Variants in TRIM5 observed in about 807,000 individuals in gnomAD.
The protein encoded by TRIM5 is tripartite motif containing 5.
Under a neutral mutation model 35.6 loss-of-function variants are expected in TRIM5, and 31 were observed. The observed-to-expected ratio is 0.87, with a 90% CI of 0.65 to 1.18. The LOEUF (loss-of-function observed/expected upper bound fraction) is 1.18. Ranked by LOEUF, TRIM5 falls within the 50% of genes most tolerant of loss-of-function variation. The probability of loss-of-function intolerance (pLI) is 0.00; values close to 1 mark genes in which losing one functional copy is unlikely to be tolerated. For missense variants in TRIM5, 609 were observed against 591.6 expected (o/e 1.03, Z -0.31); for synonymous variants, 243 against 215.6 (o/e 1.13, Z -1.11).
the TRIM5 span, among the ~76,000 whole-genome samples, chr11:5,588,749 T>C: frequency 6.6e-6 from 1 of 150,844 alleles, no homozygotes; most frequent in African/African-American, 2.4e-5. Flanking sequence ...TGTTCCATTT[T>C]AGCTTTTGGT....
At chr11:5,643,116 T>TAC in the TRIM5 span, 13 of 1,168,638 alleles carry the variant, frequency 1.1e-5, no homozygotes, top group South Asian at 2.2e-5. Context: ...TTCATATACA[T>TAC]ATATATATAT....
downstream of TRIM5, among the ~76,000 whole-genome samples, chr11:5,662,165 G>T (rs1209222919): frequency 6.6e-6 from 1 of 152,176 alleles, no homozygotes; most frequent in African/African-American, 2.4e-5. Context: ...TATTCACCTT[G>T]GAATCCCTTC....
At chr11:5,603,340 CGAGAA>C in the TRIM5 span, 80 of 1,613,876 alleles carry the variant, frequency 5.0e-5, no homozygotes, top group Admixed American at 1.3e-3. Flanking sequence ...GGTGGACATA[CGAGAA>C]GAGGTGACCT....
At chr11:5,643,750 A>C in the TRIM5 span, 3 of 1,531,298 alleles carry the variant, frequency 2.0e-6, no homozygotes, top group East Asian at 6.8e-5. Flanking sequence ...GTCTTGACTT[A>C]TCTCCTGCAA....
the TRIM5 span, among the ~76,000 whole-genome samples, chr11:5,620,531 A>T: frequency 6.6e-6 from 1 of 152,102 alleles, no homozygotes; most frequent in African/African-American, 2.4e-5. Context: ...GGGTTGCAGT[A>T]ATGAGTCTCA....
chr11:5,631,172 AC>A, the TRIM5 span, among the ~76,000 whole-genome samples: 29 of 152,010 alleles, frequency 1.9e-4, no homozygotes, highest in Admixed American at 1.0e-3. Flanking sequence ...GTTCCTATCA[AC>A]CTCTGTAACA....
the TRIM5 span, among the ~76,000 whole-genome samples, chr11:5,619,033 G>C: frequency 6.6e-6 from 1 of 152,176 alleles, no homozygotes; most frequent in Non-Finnish European, 1.5e-5. Context: ...TCAATGTATT[G>C]TGTGCAAACG....
the TRIM5 span, among the ~76,000 whole-genome samples, chr11:5,651,699 G>A: frequency 6.6e-6 from 1 of 152,198 alleles, no homozygotes; most frequent in Admixed American, 6.5e-5. Flanking sequence ...TCTGCTTTGA[G>A]TACTTTGAGA....
the TRIM5 span, chr11:5,634,739 A>G: frequency 6.2e-7 from 1 of 1,614,076 alleles, no homozygotes; most frequent in Admixed American, 1.7e-5. Flanking sequence ...AGAAGAAGAA[A>G]AGAAGACGCT....
intron 6 of TRIM5, 117 bp downstream of exon 6, chr11:5,665,864 A>G: frequency 7.7e-7 from 1 of 1,303,716 alleles, no homozygotes; most frequent in Non-Finnish European, 1.0e-6. Context: ...AGCAGCAGAC[A>G]ATATCTATCC....
Position 5,663,307 on chromosome 11 carries a change from AGTTT to A in TRIM5, c.*1498_*1501del, listed in dbSNP as rs1850898837. On this transcript the variant is annotated 3_prime_UTR_variant, in exon 8 of 8. Coordinates refer to ENST00000380034, the MANE Select transcript of TRIM5 (RefSeq NM_033034.3). ...TAATAAACTGATTCCCACATAATTC[AGTTT>A]GTTTGATAAAGACTAATATGTAGCA... 8.5e-6 allele frequency: 8 copies of A among 943,468 alleles called. No homozygotes were observed. The highest frequency in any genetic ancestry group is 1.0e-5 in the Non-Finnish European group (8 of 791,750). 58.4% of individuals were successfully genotyped at this position (943,468 alleles called of 1,614,324 possible). A position where few individuals can be genotyped will look rare whatever the true frequency, so the allele number is the denominator to read the frequency against.
At chr11:5,648,334 A>G in the TRIM5 span, among the ~76,000 whole-genome samples, 4 of 151,948 alleles carry the variant, frequency 2.6e-5, no homozygotes, top group Non-Finnish European at 5.9e-5. Flanking sequence ...GAGAAACCCC[A>G]TCTCTACTAA....
At chr11:5,609,723 C>T in the TRIM5 span, among the ~76,000 whole-genome samples, 2 of 152,150 alleles carry the variant, frequency 1.3e-5, no homozygotes, top group Non-Finnish European at 2.9e-5. Context: ...GAGATCAAAA[C>T]CATCCTGGCT....
At chr11:5,592,932 A>AAG in the TRIM5 span, among the ~76,000 whole-genome samples, 8 of 110,692 alleles carry the variant, frequency 7.2e-5, no homozygotes, top group African/African-American at 3.7e-4. Flanking sequence ...AAAAAAAAAG[A>AAG]AAAAAGAAAA....
At chr11:5,615,869 C>T in the TRIM5 span, among the ~76,000 whole-genome samples, 3 of 147,676 alleles carry the variant, frequency 2.0e-5, no homozygotes, top group South Asian at 2.2e-4. Context: ...CTGGAATTAC[C>T]GGCGTGAGCC....
At chr11:5,673,768 A>T (rs564820050) in intron 4 of TRIM5, among the ~76,000 whole-genome samples, 2 of 152,276 alleles carry the variant, frequency 1.3e-5, no homozygotes, top group South Asian at 4.1e-4. Context: ...AAGAAACATT[A>T]AAAAAATTCT....
At chr11:5,647,587 A>G in the TRIM5 span, among the ~76,000 whole-genome samples, 1 of 152,088 alleles carries the variant, frequency 6.6e-6, no homozygotes, top group Non-Finnish European at 1.5e-5. Context: ...CAGTGGTGCA[A>G]TCTTGGCTCA....
the TRIM5 span, among the ~76,000 whole-genome samples, chr11:5,653,478 T>G: frequency 0.025 from 3,729 of 150,722 alleles, 56 homozygotes; most frequent in Middle Eastern, 0.038. Flanking sequence ...TTTTTTCCGA[T>G]TTTTTTTTGT....
chr11:5,592,345 T>G, the TRIM5 span, among the ~76,000 whole-genome samples: 1 of 152,162 alleles, frequency 6.6e-6, no homozygotes, highest in Non-Finnish European at 1.5e-5. Flanking sequence ...CCACATATAC[T>G]TGCATATTTA....
Sources: gnomAD v4.1 joint callset for allele counts (sites outside exome capture counted in the v4.1 genomes callset) on GRCh38, gnomAD v4.1.1 for gene constraint, MANE v1.5 for transcripts, NCBI Gene and HGNC (gene_info 2026-07-23, HGNC 2026-07-21) for gene names.